GALNT17: variants seen among roughly 807,000 people sequenced by gnomAD.
The protein encoded by GALNT17 is UDP-GalNAc:polypeptide N-acetylgalactosaminyltransferase-like 3.
A neutral mutation model predicts 63.7 loss-of-function variants in GALNT17; 29 were observed. The observed-to-expected ratio is 0.46, with a 90% CI of 0.34 to 0.62. GALNT17 has a LOEUF of 0.62. Ranked by LOEUF, GALNT17 falls within the 20% of genes least tolerant of loss-of-function variation. The probability of loss-of-function intolerance (pLI) is 0.01; values close to 1 mark genes in which losing one functional copy is unlikely to be tolerated. For synonymous variants in GALNT17, 305 were observed against 318.3 expected, an observed-to-expected ratio of 0.96 and a Z score of 0.45; for missense variants, 603 against 799.6, an observed-to-expected ratio of 0.75 and a Z score of 2.97.
intron 6 of GALNT17, among the ~76,000 whole-genome samples, chr7:71,572,237 C>CAT (rs1030978914): frequency 7.4e-5 from 11 of 149,406 alleles, no homozygotes; most frequent in Non-Finnish European, 1.3e-4. Context: ...AAAAAAAGCT[C>CAT]ATATATATAA....
chr7:71,352,416 ATCAAGGAATACTACTGGGTTTTAGG>A (rs1218165498), intron 2 of GALNT17, among the ~76,000 whole-genome samples: 1 of 152,242 alleles, frequency 6.6e-6, no homozygotes, highest in Non-Finnish European at 1.5e-5. Flanking sequence ...GGTGGAGGTC[ATCAAGGAATACTACTGGGTTTTAGG>A]TTGCAACATA....
At chr7:71,568,325 T>C (rs1174073942) in intron 5 of GALNT17, among the ~76,000 whole-genome samples, 1 of 152,166 alleles carries the variant, frequency 6.6e-6, no homozygotes, top group African/African-American at 2.4e-5. Flanking sequence ...CTTCAGTGGA[T>C]TGTGGCAGTG....
chr7:71,680,659 C>T lies in GALNT17; in HGVS notation c.1500+3353C>T, dbSNP rs368900684. Among the ~76,000 whole-genome samples, 10 of 42,696 alleles carry T rather than the reference C, an allele frequency of 2.3e-4. No homozygotes were observed. The South Asian group carries it at 7.1e-3, about 30-fold the overall frequency. 28.0% of individuals were successfully genotyped at this position (42,696 alleles called of 152,430 possible). A position where few individuals can be genotyped will look rare whatever the true frequency, so the allele number is the denominator to read the frequency against. ...TCCTTCCTCCCTCTCTCCCTCCTTCCTTCCTTTCTTCCTTTCCTTTTGTTT... is the reference window on the plus strand; with the variant it reads ...TCCTTCCTCCCTCTCTCCCTCCTTCTTTCCTTTCTTCCTTTCCTTTTGTTT... On this transcript the variant is annotated intron_variant, in intron 9 of 10. Coordinates refer to ENST00000333538, the MANE Select transcript of GALNT17 (RefSeq NM_022479.3).
intron 1 of GALNT17, among the ~76,000 whole-genome samples, chr7:71,169,501 A>C (rs1788506763): frequency 6.6e-6 from 1 of 152,164 alleles, no homozygotes; most frequent in Non-Finnish European, 1.5e-5. Context: ...TCTTGGTTCG[A>C]TGTGGAAGTC....
At chr7:71,323,625 A>G (rs770847431) in intron 1 of GALNT17, among the ~76,000 whole-genome samples, 5 of 152,220 alleles carry the variant, frequency 3.3e-5, no homozygotes, top group Non-Finnish European at 7.3e-5. Flanking sequence ...GTACTGATAT[A>G]TGAACTAGGG....
At chr7:71,694,709 T>A (rs1791514717) in intron 9 of GALNT17, among the ~76,000 whole-genome samples, 1 of 152,180 alleles carries the variant, frequency 6.6e-6, no homozygotes, top group South Asian at 2.1e-4. Context: ...ATCCCCATTT[T>A]AAAAAATAAG....
At chr7:71,382,106 G>A (rs769367199) in intron 2 of GALNT17, among the ~76,000 whole-genome samples, 5 of 152,118 alleles carry the variant, frequency 3.3e-5, no homozygotes, top group South Asian at 2.1e-4. Context: ...ATGGCTAGGC[G>A]TGGTGGCTCA....
intron 2 of GALNT17, among the ~76,000 whole-genome samples, chr7:71,337,625 T>G (rs1307618486): frequency 6.6e-6 from 1 of 152,122 alleles, no homozygotes; most frequent in African/African-American, 2.4e-5. Flanking sequence ...ATCCCAACAC[T>G]TTGGGAGGCT....
intron 3 of GALNT17, among the ~76,000 whole-genome samples, chr7:71,391,570 A>G (rs1027620010): frequency 2.6e-5 from 4 of 151,742 alleles, no homozygotes; most frequent in African/African-American, 9.7e-5. Context: ...GCAGCCTCCA[A>G]CTCCTAGGCT....
chr7:71,621,944 T>A (rs187899755), intron 6 of GALNT17, among the ~76,000 whole-genome samples: 1 of 152,322 alleles, frequency 6.6e-6, no homozygotes, highest in East Asian at 1.9e-4. Context: ...AAAGAGAATA[T>A]CATTCCTGCA....
At chr7:71,374,768 C>A (rs573688585) in intron 2 of GALNT17, among the ~76,000 whole-genome samples, 1 of 151,228 alleles carries the variant, frequency 6.6e-6, no homozygotes, top group South Asian at 2.1e-4. Flanking sequence ...TAGGACTAAG[C>A]TGGACCTGGA....
At chr7:71,572,836 G>A (rs1303572228) in intron 6 of GALNT17, among the ~76,000 whole-genome samples, 1 of 152,046 alleles carries the variant, frequency 6.6e-6, no homozygotes, top group East Asian at 1.9e-4. Flanking sequence ...GGTGGTAACT[G>A]CTTAGCAGGC....
intron 5 of GALNT17, among the ~76,000 whole-genome samples, chr7:71,530,359 C>T (rs191967683): frequency 5.9e-5 from 9 of 152,286 alleles, no homozygotes; most frequent in Admixed American, 3.9e-4. Context: ...CACACACACA[C>T]ATTTACTTCT....
chr7:71,232,898 C>T (rs770021657), intron 1 of GALNT17, among the ~76,000 whole-genome samples: 4 of 152,032 alleles, frequency 2.6e-5, no homozygotes, highest in Non-Finnish European at 5.9e-5. Flanking sequence ...CGTAATTTAG[C>T]CAGTTACCAA....
At chr7:71,554,194 A>AC (rs1331545050) in intron 5 of GALNT17, among the ~76,000 whole-genome samples, 1 of 152,046 alleles carries the variant, frequency 6.6e-6, no homozygotes, top group East Asian at 1.9e-4. Flanking sequence ...CTTGAATTGT[A>AC]CCTCCTGTGT....
chr7:71,208,449 CT>C (rs11341410), intron 1 of GALNT17, among the ~76,000 whole-genome samples: 30,314 of 113,220 alleles, frequency 0.27, 3,157 homozygotes, highest in African/African-American at 0.48. Context: ...TTAATAAATG[CT>C]TTTTTTTTTT....
intron 1 of GALNT17, among the ~76,000 whole-genome samples, chr7:71,252,107 A>C (rs1362348376): frequency 1.3e-5 from 2 of 151,828 alleles, no homozygotes; most frequent in Non-Finnish European, 2.9e-5. Flanking sequence ...CCACCAGGGC[A>C]TGTGTTTATT....
chr7:71,334,753 T>C (rs549300169), intron 1 of GALNT17, among the ~76,000 whole-genome samples: 8 of 152,342 alleles, frequency 5.3e-5, no homozygotes, highest in African/African-American at 1.7e-4. Flanking sequence ...TCCTCTGTGA[T>C]TTATTCTCAA....
At chr7:71,196,935 T>C (rs1789060839) in intron 1 of GALNT17, among the ~76,000 whole-genome samples, 1 of 151,854 alleles carries the variant, frequency 6.6e-6, no homozygotes, top group Admixed American at 6.6e-5. Flanking sequence ...ATTACAGGTG[T>C]GAGCCACTAT....
Sources: allele counts gnomAD v4.1 joint callset (sites outside exome capture counted in the v4.1 genomes callset), GRCh38; gene constraint gnomAD v4.1.1; transcripts MANE v1.5; gene names NCBI Gene and HGNC (gene_info 2026-07-23, HGNC 2026-07-21).